The following HDAC9 variants were observed in gnomAD, a reference collection of about 807,000 sequenced individuals.
HDAC9 encodes the protein histone deacetylase 9, also known as MEF-2 interacting transcription repressor (MITR) protein.
Under a neutral mutation model 139.4 loss-of-function variants are expected in HDAC9, and 41 were observed. The ratio of observed to expected loss-of-function variants is 0.29; its 90% CI spans 0.23 to 0.38. The LOEUF (loss-of-function observed/expected upper bound fraction) is 0.38, where lower values mean the gene tolerates loss of function less well. HDAC9 is among the 10% of genes least tolerant of loss of function. The pLI, the probability that HDAC9 is intolerant of heterozygous loss-of-function variation, is 1.00. For synonymous variants in HDAC9, 517 were observed against 476.2 expected (o/e 1.09, Z -1.12); for missense variants, 1,147 against 1,297.0 (o/e 0.88, Z 1.78).
At chr7:18,506,660 C>T (rs1799857904) in intron 2 of HDAC9, among the ~76,000 whole-genome samples, 1 of 151,510 alleles carries the variant, frequency 6.6e-6, no homozygotes, top group Non-Finnish European at 1.5e-5. Context: ...TACAGGTTAA[C>T]TATAAGTATG....
At position 18,874,472 on chromosome 7, in the gene HDAC9, G is replaced by A. The variant is rs758033671; in HGVS notation, c.2685-6G>A. 4 of 1,567,536 alleles carry A rather than the reference G, an allele frequency of 2.6e-6. No individual in the cohort carries two copies. In the East Asian group the frequency reaches 9.3e-5, roughly 36 times the overall value. ...ACGTGTGACCGGTTGCATTTTTACT[G>A]TGCAGGACCATCGTGAAGCCTGTGG... On this transcript the variant is annotated splice_polypyrimidine_tract_variant and splice_region_variant and intron_variant, in intron 21 of 25. Transcript: ENST00000686413.
intron 2 of HDAC9, among the ~76,000 whole-genome samples, chr7:18,175,055 C>G (rs1269524441): frequency 1.3e-5 from 2 of 152,198 alleles, no homozygotes; most frequent in African/African-American, 4.8e-5. Context: ...TATACCCTGC[C>G]CCTAGAGGTG....
At chr7:18,099,558 G>T (rs1782717549) in intron 1 of HDAC9, among the ~76,000 whole-genome samples, 1 of 152,102 alleles carries the variant, frequency 6.6e-6, no homozygotes, top group African/African-American at 2.4e-5. Flanking sequence ...CACCCTTTTG[G>T]AGTTACTTAC....
chr7:18,723,662 TTTATC>T (rs1432635102), intron 12 of HDAC9, among the ~76,000 whole-genome samples: 2 of 152,126 alleles, frequency 1.3e-5, no homozygotes, highest in African/African-American at 2.4e-5. Flanking sequence ...AGCAAACTGT[TTTATC>T]TTACAGGGTT....
chr7:18,838,931 T>C lies in HDAC9; in HGVS notation c.2684+2934T>C, dbSNP rs1294455713. ...TTCATGGTTTCTATTATGTGCTTTT[T>C]CTATAGCAAAAAAATCATAGACAAA... On this transcript the variant is annotated intron_variant, in intron 21 of 25. Coordinates refer to ENST00000686413, the MANE Select transcript of HDAC9 (RefSeq NM_178425.4). Among the ~76,000 whole-genome samples, 9 of 152,118 alleles carry C rather than the reference T, an allele frequency of 5.9e-5. No homozygotes were observed. In the East Asian group the frequency reaches 1.7e-3, roughly 29 times the overall value.
At chr7:18,478,562 G>T (rs1305056396) in intron 1 of HDAC9, among the ~76,000 whole-genome samples, 1 of 152,096 alleles carries the variant, frequency 6.6e-6, no homozygotes, top group Non-Finnish European at 1.5e-5. Context: ...ACCTTGAAAA[G>T]AATACATTTA....
chr7:18,168,879 G>GTTTTT (rs112502543), intron 2 of HDAC9, among the ~76,000 whole-genome samples: 7 of 80,882 alleles, frequency 8.7e-5, no homozygotes, highest in South Asian at 5.3e-4. Flanking sequence ...CAAATGTCTT[G>GTTTTT]TTTTTTTTTT....
chr7:18,411,399 G>C (rs1788535506), intron 1 of HDAC9, among the ~76,000 whole-genome samples: 1 of 151,940 alleles, frequency 6.6e-6, no homozygotes, highest in Non-Finnish European at 1.5e-5. Flanking sequence ...TTTTGAGATG[G>C]AGTCTTGCTC....
intron 1 of HDAC9, among the ~76,000 whole-genome samples, chr7:18,125,764 G>A (rs962818336): frequency 6.6e-6 from 1 of 151,990 alleles, no homozygotes; most frequent in Non-Finnish European, 1.5e-5. Flanking sequence ...CAAGTTGGCC[G>A]TGTTCCATTA....
At chr7:18,385,952 A>G (rs1181034107) in intron 1 of HDAC9, among the ~76,000 whole-genome samples, 2 of 151,848 alleles carry the variant, frequency 1.3e-5, no homozygotes, top group East Asian at 1.9e-4. Context: ...ACCCAAAACT[A>G]CCTTTCAAGC....
At chr7:18,810,296 C>T (rs1291197063) in intron 17 of HDAC9, among the ~76,000 whole-genome samples, 1 of 151,794 alleles carries the variant, frequency 6.6e-6, no homozygotes, top group Non-Finnish European at 1.5e-5. Context: ...GTATTCTTCC[C>T]ATCTCAAAGT....
chr7:18,812,571 T>C (rs947040742), intron 17 of HDAC9, among the ~76,000 whole-genome samples: 2 of 151,856 alleles, frequency 1.3e-5, no homozygotes, highest in African/African-American at 4.8e-5. Context: ...GTTGAAAAGA[T>C]GTATATTTTT....
At chr7:18,132,362 A>G (rs1202208244) in intron 1 of HDAC9, among the ~76,000 whole-genome samples, 1 of 152,152 alleles carries the variant, frequency 6.6e-6, no homozygotes, top group Non-Finnish European at 1.5e-5. Flanking sequence ...ATATCTGAAT[A>G]TATTCAAAAG....
intron 16 of HDAC9, among the ~76,000 whole-genome samples, chr7:18,782,533 A>G (rs1389970567): frequency 6.6e-6 from 1 of 152,090 alleles, no homozygotes; most frequent in Admixed American, 6.6e-5. Context: ...AAAAGCCTGC[A>G]AAGACCCACA....
intron 17 of HDAC9, among the ~76,000 whole-genome samples, chr7:18,800,405 A>G (rs1259120655): frequency 6.6e-6 from 1 of 152,200 alleles, no homozygotes; most frequent in Admixed American, 6.5e-5. Flanking sequence ...ACATTCCATG[A>G]GAGGTTTTTT....
intron 2 of HDAC9, among the ~76,000 whole-genome samples, chr7:18,203,486 A>G (rs1396846645): frequency 2.0e-5 from 3 of 152,202 alleles, no homozygotes; most frequent in Admixed American, 6.6e-5. Flanking sequence ...ATGTAGGATA[A>G]TATAAGACCC....
intron 1 of HDAC9, among the ~76,000 whole-genome samples, chr7:18,394,013 C>G (rs763527613): frequency 7.2e-5 from 11 of 152,100 alleles, no homozygotes; most frequent in Non-Finnish European, 1.2e-4. Flanking sequence ...TAATTTAAAG[C>G]TAGACTTTTT....
At chr7:18,908,043 A>G (rs1437713383) in intron 22 of HDAC9, among the ~76,000 whole-genome samples, 1 of 152,134 alleles carries the variant, frequency 6.6e-6, no homozygotes, top group African/African-American at 2.4e-5. Context: ...ATATAGTAGA[A>G]AAACACTTTA....
intron 1 of HDAC9, among the ~76,000 whole-genome samples, chr7:18,474,628 A>G (rs1794976892): frequency 6.6e-6 from 1 of 152,220 alleles, no homozygotes; most frequent in African/African-American, 2.4e-5. Context: ...GAAATAGATA[A>G]TGATTATTTT....
Sources: gnomAD v4.1 joint callset for allele counts (sites outside exome capture counted in the v4.1 genomes callset) on GRCh38, gnomAD v4.1.1 for gene constraint, MANE v1.5 for transcripts, NCBI Gene and HGNC (gene_info 2026-07-23, HGNC 2026-07-21) for gene names.